Variants in RBFOX1 observed in about 807,000 individuals in gnomAD.
RBFOX1 encodes the protein RNA binding fox-1 homolog 1, also known as RNA binding protein fox-1 homolog 1.
RBFOX1 carries 8 observed loss-of-function variants against 57.7 expected under a neutral mutation model. The observed-to-expected ratio is 0.14, with a 90% confidence interval of 0.08 to 0.25. RBFOX1 has a LOEUF of 0.25. RBFOX1 is among the 10% of genes least tolerant of loss of function. The pLI is 1.00. For missense variants in RBFOX1, 611 were observed against 548.5 expected (o/e 1.11, Z -1.14); for synonymous variants, 326 against 222.4 (o/e 1.47, Z -4.15).
At chr16:7,489,285 T>G (rs2066277496) in intron 4 of RBFOX1, among the ~76,000 whole-genome samples, 1 of 152,212 alleles carries the variant, frequency 6.6e-6, no homozygotes, top group Non-Finnish European at 1.5e-5. Flanking sequence ...AGTTTTTGGT[T>G]AAGCATTTAC....
intron 3 of RBFOX1, among the ~76,000 whole-genome samples, chr16:6,795,807 T>G (rs1218261039): frequency 6.6e-6 from 1 of 151,998 alleles, no homozygotes; most frequent in Non-Finnish European, 1.5e-5. Context: ...TCATCGTTGC[T>G]TTCTTTTATT....
At chr16:5,856,605 A>AT (rs57978858) in intron 3 of RBFOX1, among the ~76,000 whole-genome samples, 10 of 74,008 alleles carry the variant, frequency 1.4e-4, no homozygotes, top group Admixed American at 6.5e-4. Flanking sequence ...ATATATATAT[A>AT]ATCTTAGCCA....
At chr16:6,619,859 C>T (rs750825196) in intron 2 of RBFOX1, among the ~76,000 whole-genome samples, 3 of 152,092 alleles carry the variant, frequency 2.0e-5, no homozygotes, top group Non-Finnish European at 4.4e-5. Context: ...TCCCTCCTCC[C>T]ACCCTCCACC....
intron 2 of RBFOX1, among the ~76,000 whole-genome samples, chr16:5,467,765 A>G (rs896903868): frequency 2.0e-5 from 3 of 152,222 alleles, no homozygotes; most frequent in African/African-American, 4.8e-5. Flanking sequence ...TGTAATTTCT[A>G]ATGAAGCCAC....
chr16:7,684,209 G>A (rs2075560800), intron 14 of RBFOX1, among the ~76,000 whole-genome samples: 1 of 152,086 alleles, frequency 6.6e-6, no homozygotes, highest in Non-Finnish European at 1.5e-5. Context: ...TCACCAGACA[G>A]AAATGACTTA....
At chr16:6,740,175 C>A (rs1037527209) in intron 3 of RBFOX1, among the ~76,000 whole-genome samples, 2 of 152,134 alleles carry the variant, frequency 1.3e-5, no homozygotes, top group Non-Finnish European at 2.9e-5. Context: ...ATCACATGCT[C>A]ACATTAGCTG....
intron 12 of RBFOX1, among the ~76,000 whole-genome samples, chr16:7,664,263 C>T (rs1028202083): frequency 6.6e-6 from 1 of 152,226 alleles, no homozygotes; most frequent in African/African-American, 2.4e-5. Context: ...ACACAATGCA[C>T]TTGTACACAT....
intron 3 of RBFOX1, among the ~76,000 whole-genome samples, chr16:6,672,670 C>T (rs181789284): frequency 1.3e-5 from 2 of 152,216 alleles, no homozygotes; most frequent in East Asian, 1.9e-4. Context: ...TAGGAAACCT[C>T]CACCCACCAT....
At chr16:7,416,383 A>G (rs2098478063) in intron 4 of RBFOX1, among the ~76,000 whole-genome samples, 1 of 152,182 alleles carries the variant, frequency 6.6e-6, no homozygotes, top group Non-Finnish European at 1.5e-5. Context: ...TATTCCCTGT[A>G]GTTCTTCTCT....
chr16:6,569,831 T>A (rs2097320060), intron 2 of RBFOX1, among the ~76,000 whole-genome samples: 1 of 152,222 alleles, frequency 6.6e-6, no homozygotes, highest in East Asian at 1.9e-4. Flanking sequence ...TTAAGCAGAT[T>A]TTTCAAGTCT....
intron 3 of RBFOX1, among the ~76,000 whole-genome samples, chr16:5,775,211 G>A (rs1440602431): frequency 1.3e-5 from 2 of 152,130 alleles, no homozygotes; most frequent in African/African-American, 2.4e-5. Context: ...GGGGACATAG[G>A]ATCCCCAAAT....
chr16:7,025,008 C>A (rs1007001845), intron 3 of RBFOX1, among the ~76,000 whole-genome samples: 1 of 152,126 alleles, frequency 6.6e-6, no homozygotes, highest in African/African-American at 2.4e-5. Context: ...AGGCAAGGGG[C>A]TGGATCCCGA....
intron 3 of RBFOX1, among the ~76,000 whole-genome samples, chr16:5,837,395 T>C (rs981624802): frequency 1.3e-5 from 2 of 152,048 alleles, no homozygotes; most frequent in African/African-American, 4.8e-5. Context: ...GGACACATTG[T>C]TTAATTTTTG....
chr16:6,197,312 G>A (rs942905199), intron 1 of RBFOX1, among the ~76,000 whole-genome samples: 3 of 151,398 alleles, frequency 2.0e-5, no homozygotes, highest in Admixed American at 6.6e-5. Flanking sequence ...TTTATCATCC[G>A]TATCTCCCAC....
intron 4 of RBFOX1, among the ~76,000 whole-genome samples, chr16:7,449,733 G>C (rs573092932): frequency 7.1e-6 from 1 of 141,392 alleles, no homozygotes; most frequent in East Asian, 2.2e-4. Flanking sequence ...TGTGTGTGGG[G>C]GGGGGGGGTT....
At chr16:7,325,614 G>C (rs901191977) in intron 4 of RBFOX1, among the ~76,000 whole-genome samples, 1 of 152,138 alleles carries the variant, frequency 6.6e-6, no homozygotes, top group African/African-American at 2.4e-5. Flanking sequence ...TTTTTTGCTA[G>C]ATTAGTCCTC....
At chr16:6,628,119 G>A (rs1035307021) in intron 2 of RBFOX1, among the ~76,000 whole-genome samples, 7 of 152,200 alleles carry the variant, frequency 4.6e-5, no homozygotes, top group African/African-American at 1.7e-4. Flanking sequence ...CCACTTCGCA[G>A]TCCCCAAGAT....
At chr16:7,152,104 A>C (rs1255142872) in intron 4 of RBFOX1, among the ~76,000 whole-genome samples, 1 of 152,180 alleles carries the variant, frequency 6.6e-6, no homozygotes, top group Non-Finnish European at 1.5e-5. Context: ...CTTCTCACAC[A>C]TGGGTTCCAT....
In RBFOX1 at chr16:7,040,113, C is replaced by T. The variant is rs368090549; in HGVS notation, c.-15-11944C>T. 3.5e-4 allele frequency among the ~76,000 whole-genome samples: 53 copies of T among 151,988 alleles called. 2 individuals carry two copies. The South Asian group carries it at 0.01, about 30-fold the overall frequency. ...TCAGCTCACTGCAACCTCTGCCTCC[C>T]AGGTTCAAGCAATTCTCCTGCCTCA... On this transcript the variant is annotated intron_variant, in intron 3 of 15. Transcript: ENST00000550418.
Sources: allele counts gnomAD v4.1 joint callset (sites outside exome capture counted in the v4.1 genomes callset), GRCh38; gene constraint gnomAD v4.1.1; transcripts MANE v1.5; gene names NCBI Gene and HGNC (gene_info 2026-07-23, HGNC 2026-07-21).